ANKRD11: variants seen among roughly 807,000 people sequenced by gnomAD.
ANKRD11 encodes the protein ankyrin repeat domain-containing protein 11.
A neutral mutation model predicts 195.7 loss-of-function variants in ANKRD11; 17 were observed. That is an observed-to-expected ratio of 0.09 (90% confidence interval 0.06 to 0.13). ANKRD11 has a LOEUF of 0.13. Ranked by LOEUF, ANKRD11 falls within the 10% of genes least tolerant of loss-of-function variation. ANKRD11 has a pLI of 1.00. For synonymous variants in ANKRD11, 1,953 were observed against 1,528.1 expected (o/e 1.28, Z -6.49); for missense variants, 3,735 against 3,566.1 (o/e 1.05, Z -1.21).
At chr16:89,479,179 A>G (rs747149764) in intron 1 of ANKRD11, among the ~76,000 whole-genome samples, 2 of 152,160 alleles carry the variant, frequency 1.3e-5, no homozygotes, top group Non-Finnish European at 2.9e-5. Flanking sequence ...TTCAGGTGAC[A>G]GTTAACTGAC....
intron 12 of ANKRD11, among the ~76,000 whole-genome samples, chr16:89,268,904 T>C (rs1249643168): frequency 6.6e-6 from 1 of 152,192 alleles, no homozygotes; most frequent in Non-Finnish European, 1.5e-5. Context: ...GGCCTGGGGC[T>C]CACCCTGGCC....
chr16:89,282,524 G>C lies in ANKRD11; in HGVS notation c.4018C>G (p.Leu1340Val). 6.2e-7 allele frequency: 1 copy of C among 1,614,056 alleles called. No individual in the cohort carries two copies. The highest frequency in any genetic ancestry group is 8.5e-7 in the Non-Finnish European group (1 of 1,179,990). ...GDDKPRESACLPEKLKEKERH... is the reference protein window; with the variant it reads ...GDDKPRESACVPEKLKEKERH... ...TCCTTCTCTTTCAGCTTCTCAGGGA[G>C]GCAGGCGCTCTCCCTCGGCTTGTCG... Residue 1340 changes from leucine to valine, a missense_variant, in exon 9 of 13, where the codon CTC (leucine) becomes GTC (valine). By Grantham distance (32) the Leu-to-Val change is conservative. Coordinates refer to ENST00000301030, the MANE Select transcript of ANKRD11 (RefSeq NM_013275.6).
chr16:89,387,468 C>T (rs1047586123), intron 2 of ANKRD11, among the ~76,000 whole-genome samples: 3 of 150,588 alleles, frequency 2.0e-5, no homozygotes, highest in Non-Finnish European at 3.0e-5. Context: ...GTCAGGAGAC[C>T]GAGACCATCC....
chr16:89,479,567 G>A (rs1336888283), intron 1 of ANKRD11, among the ~76,000 whole-genome samples: 4 of 151,860 alleles, frequency 2.6e-5, no homozygotes, highest in Admixed American at 6.6e-5. Flanking sequence ...CCCAGGAGGC[G>A]GAGGTTGCAG....
chr16:89,297,604 C>G (rs1012500867), intron 4 of ANKRD11: 9 of 152,276 alleles, frequency 5.9e-5, no homozygotes, highest in African/African-American at 2.2e-4. Context: ...GGGCACTGAG[C>G]TCAACGCTCG....
intron 2 of ANKRD11, among the ~76,000 whole-genome samples, chr16:89,319,550 G>A (rs1418003106): frequency 2.6e-5 from 4 of 152,176 alleles, no homozygotes; most frequent in East Asian, 1.9e-4. Flanking sequence ...CAGGACCCTC[G>A]TGTCCGCCTG....
chr16:89,374,948 T>C (rs1203960634), intron 2 of ANKRD11, among the ~76,000 whole-genome samples: 1 of 152,142 alleles, frequency 6.6e-6, no homozygotes, highest in Non-Finnish European at 1.5e-5. Context: ...AGAAAAAGTA[T>C]GTCATGAATG....
intron 1 of ANKRD11, among the ~76,000 whole-genome samples, chr16:89,455,315 T>C (rs34845630): frequency 2.0e-5 from 3 of 151,382 alleles, no homozygotes; most frequent in Non-Finnish European, 3.0e-5. Flanking sequence ...TGGGTGCTTC[T>C]AGGGTTCCTC....
intron 2 of ANKRD11, among the ~76,000 whole-genome samples, chr16:89,408,214 G>A (rs1464784075): frequency 1.3e-5 from 2 of 152,178 alleles, no homozygotes; most frequent in South Asian, 2.1e-4. Flanking sequence ...GAAACTCCCT[G>A]AGAGAGCTCA....
At chr16:89,430,667 T>C (rs1286157976) in intron 1 of ANKRD11, among the ~76,000 whole-genome samples, 1 of 152,230 alleles carries the variant, frequency 6.6e-6, no homozygotes, top group Admixed American at 6.5e-5. Flanking sequence ...TTGGCAGGCA[T>C]TCCACACTGC....
intron 1 of ANKRD11, among the ~76,000 whole-genome samples, chr16:89,423,586 C>T (rs1359546496): frequency 6.6e-6 from 1 of 152,188 alleles, no homozygotes; most frequent in Non-Finnish European, 1.5e-5. Context: ...CAAGGTGGTG[C>T]CTGCAGCAGC....
chr16:89,486,557 G>C (rs1290805426), intron 1 of ANKRD11, among the ~76,000 whole-genome samples: 1 of 152,142 alleles, frequency 6.6e-6, no homozygotes, highest in African/African-American at 2.4e-5. Context: ...TGGCAGCGAG[G>C]TATGTCGAGG....
chr16:89,372,606 T>C, intron 2 of ANKRD11, among the ~76,000 whole-genome samples: 1 of 152,242 alleles, frequency 6.6e-6, no homozygotes, highest in East Asian at 1.9e-4. Flanking sequence ...TACTAAAAAT[T>C]AAAATACTGA....
At chr16:89,408,906 C>A (rs1349272558) in intron 2 of ANKRD11, among the ~76,000 whole-genome samples, 1 of 152,178 alleles carries the variant, frequency 6.6e-6, no homozygotes, top group East Asian at 1.9e-4. Flanking sequence ...CTCTCACAGA[C>A]CTTAGGAGTT....
At chr16:89,289,796 T>C (rs907833941) in intron 6 of ANKRD11, among the ~76,000 whole-genome samples, 5 of 152,230 alleles carry the variant, frequency 3.3e-5, no homozygotes, top group African/African-American at 4.8e-5. Context: ...ATCCCAGCAC[T>C]TTGGGAAGCC....
At chr16:89,373,909 G>T (rs913999899) in intron 2 of ANKRD11, among the ~76,000 whole-genome samples, 1 of 152,186 alleles carries the variant, frequency 6.6e-6, no homozygotes, top group Non-Finnish European at 1.5e-5. Context: ...TTGGCAGGCG[G>T]TCCACACGGG....
chr16:89,389,883 C>T (rs552382637), intron 2 of ANKRD11, among the ~76,000 whole-genome samples: 91 of 110,262 alleles, frequency 8.3e-4, no homozygotes, highest in African/African-American at 3.1e-3. Context: ...GGGCGAACAC[C>T]GAGTGTGGCG....
chr16:89,385,702 G>A (rs576253624), intron 2 of ANKRD11, among the ~76,000 whole-genome samples: 23 of 152,314 alleles, frequency 1.5e-4, no homozygotes, highest in Admixed American at 2.6e-4. Context: ...AGTCCATCAC[G>A]TACAGTCTGC....
At chr16:89,443,859 G>T (rs951135354) in intron 1 of ANKRD11, among the ~76,000 whole-genome samples, 2 of 152,236 alleles carry the variant, frequency 1.3e-5, no homozygotes, top group African/African-American at 4.8e-5. Flanking sequence ...AGCCTGCTGG[G>T]AGGGCAGGGG....
Sources: gnomAD v4.1 joint callset for allele counts (sites outside exome capture counted in the v4.1 genomes callset) on GRCh38, gnomAD v4.1.1 for gene constraint, MANE v1.5 for transcripts, NCBI Gene and HGNC (gene_info 2026-07-23, HGNC 2026-07-21) for gene names.